The following RPTOR variants were observed in gnomAD, a reference collection of about 807,000 sequenced individuals.
The protein encoded by RPTOR is regulatory-associated protein of mTOR.
In RPTOR, 21 loss-of-function variants were observed where a neutral mutation model predicts 169.9. The observed-to-expected ratio is 0.12, with a 90% CI of 0.09 to 0.18. The LOEUF is 0.18. Among genes scored for constraint, RPTOR ranks in the 10% least tolerant of loss-of-function variants. RPTOR has a pLI of 1.00. For missense variants in RPTOR, 1,133 were observed against 1,855.9 expected (o/e 0.61, Z 7.16); for synonymous variants, 732 against 753.2 (o/e 0.97, Z 0.46).
chr17:80,715,527 G>A (rs1457896135), intron 4 of RPTOR, among the ~76,000 whole-genome samples: 4 of 151,624 alleles, frequency 2.6e-5, no homozygotes, highest in Non-Finnish European at 4.4e-5. Context: ...ACCCTAGCAG[G>A]TGTTTGGTAA....
chr17:80,772,910 G>A (rs534428232), intron 6 of RPTOR, among the ~76,000 whole-genome samples: 1 of 152,254 alleles, frequency 6.6e-6, no homozygotes, highest in African/African-American at 2.4e-5. Flanking sequence ...GGCTGTACAG[G>A]GGCAGAGCCA....
At chr17:80,817,112 C>G (rs560691234) in intron 7 of RPTOR, among the ~76,000 whole-genome samples, 3 of 152,340 alleles carry the variant, frequency 2.0e-5, no homozygotes, top group South Asian at 2.1e-4. Flanking sequence ...CCGAGCCGCA[C>G]AGCGGGAGGC....
chr17:80,742,356 A>T (rs529860707), intron 5 of RPTOR, among the ~76,000 whole-genome samples: 1 of 152,082 alleles, frequency 6.6e-6, no homozygotes, highest in African/African-American at 2.4e-5. Context: ...GACGGTGGTC[A>T]TTCCAGAAGG....
At chr17:80,857,697 A>G (rs2067869271) in intron 12 of RPTOR, 93 bp from the exon 13 acceptor site, 1 of 771,918 alleles carries the variant, frequency 1.3e-6, no homozygotes, top group Admixed American at 1.9e-5. Context: ...TATGTGCTGA[A>G]GATAGCACCG....
At chr17:80,813,269 A>C (rs1315506348) in intron 7 of RPTOR, among the ~76,000 whole-genome samples, 1 of 152,260 alleles carries the variant, frequency 6.6e-6, no homozygotes, top group East Asian at 1.9e-4. Flanking sequence ...CTGGACGAGA[A>C]TATCACAGGA....
In RPTOR at chr17:80,833,758, G is replaced by C. The variant is rs182688787; in HGVS notation, c.1137-4164G>C. On this transcript the variant is annotated intron_variant, in intron 9 of 33. Transcript: ENST00000306801. ...TAATCCCAGCACTTTGGGAGGCCAC[G>C]GCAGGCAGATCACCTGAGGTCAGGA... Among the ~76,000 whole-genome samples the C allele has an allele frequency of 5.0e-3, 760 of 152,330 alleles. 4 individuals are homozygous for C. The highest frequency in any genetic ancestry group is 0.018 in the African/African-American group (732 of 41,574).
At chr17:80,793,035 G>C (rs1401667120) in intron 7 of RPTOR, among the ~76,000 whole-genome samples, 1 of 152,040 alleles carries the variant, frequency 6.6e-6, no homozygotes. Context: ...GGTCTTGAAC[G>C]CCTGGCCTCA....
intron 25 of RPTOR, 54 bp from the exon 26 acceptor site, chr17:80,945,613 A>G: frequency 3.6e-6 from 4 of 1,121,896 alleles, no homozygotes; most frequent in Non-Finnish European, 5.2e-6. Flanking sequence ...ATAAATAAAT[A>G]AGGGGGAAAA....
intron 1 of RPTOR, among the ~76,000 whole-genome samples, chr17:80,558,704 G>A (rs538388125): frequency 3.3e-5 from 5 of 152,086 alleles, no homozygotes; most frequent in East Asian, 1.9e-4. Flanking sequence ...ATTTTCTTAC[G>A]TAAGCACAGT....
At chr17:80,634,749 C>CCG in intron 2 of RPTOR, among the ~76,000 whole-genome samples, 1 of 57,902 alleles carries the variant, frequency 1.7e-5, no homozygotes, top group Non-Finnish European at 3.5e-5. Context: ...TGTGTGCATA[C>CCG]TGTGTGTGTG....
intron 28 of RPTOR, among the ~76,000 whole-genome samples, chr17:80,952,825 T>A (rs1460926864): frequency 6.7e-6 from 1 of 149,662 alleles, no homozygotes; most frequent in African/African-American, 2.5e-5. Context: ...CCCAGACCCA[T>A]GCATCTCTCC....
At chr17:80,890,275 A>G (rs1365771090) in intron 17 of RPTOR, among the ~76,000 whole-genome samples, 3 of 152,194 alleles carry the variant, frequency 2.0e-5, no homozygotes, top group African/African-American at 7.2e-5. Flanking sequence ...GTCAGAAGGA[A>G]AGGGAAAAAA....
Position 80,803,940 on chromosome 17 carries a change from C to T in RPTOR, c.890+12431C>T, listed in dbSNP as rs1232149038. ...GGGCAGCGTTCCAGACGGGGAGCCCCACAGCCTCTGAGCCAGGCACGAGCT... is the reference window on the plus strand; with the variant it reads ...GGGCAGCGTTCCAGACGGGGAGCCCTACAGCCTCTGAGCCAGGCACGAGCT... On this transcript the variant is annotated intron_variant, in intron 7 of 33. Transcript: ENST00000306801. The surrounding 1 kb of genome is among the most constrained non-coding windows in gnomAD (Gnocchi z 6.2). 6.6e-6 allele frequency among the ~76,000 whole-genome samples: 1 copy of T among 152,164 alleles called. No homozygotes were observed. The highest frequency in any genetic ancestry group is 1.5e-5 in the Non-Finnish European group (1 of 68,028).
At chr17:80,918,415 G>A (rs367605528) in intron 21 of RPTOR, among the ~76,000 whole-genome samples, 3 of 127,098 alleles carry the variant, frequency 2.4e-5, no homozygotes, top group African/African-American at 6.0e-5. Context: ...GCACCCTCGC[G>A]GGGGTCATAG....
intron 1 of RPTOR, among the ~76,000 whole-genome samples, chr17:80,547,677 T>G (rs1021589475): frequency 1.3e-5 from 2 of 152,208 alleles, no homozygotes; most frequent in Non-Finnish European, 2.9e-5. Context: ...TCAGGTCCTT[T>G]GGAATCTTGT....
At chr17:80,810,698 A>G (rs1371979015) in intron 7 of RPTOR, among the ~76,000 whole-genome samples, 1 of 152,244 alleles carries the variant, frequency 6.6e-6, no homozygotes, top group Non-Finnish European at 1.5e-5. Flanking sequence ...CTGGAATTAC[A>G]TTAAATCTAG....
chr17:80,830,700 C>G (rs1295274765), intron 9 of RPTOR, among the ~76,000 whole-genome samples: 5 of 151,978 alleles, frequency 3.3e-5, no homozygotes, highest in African/African-American at 1.2e-4. Flanking sequence ...CGCAGGTGCA[C>G]TGCTCCTCAG....
chr17:80,634,581 G>T, intron 2 of RPTOR, among the ~76,000 whole-genome samples: 1 of 125,682 alleles, frequency 8.0e-6, no homozygotes, highest in Admixed American at 8.1e-5. Flanking sequence ...CTGTGTGTGT[G>T]TGCGTACTGT....
At chr17:80,641,866 A>G (rs1223700198) in intron 2 of RPTOR, among the ~76,000 whole-genome samples, 2 of 152,166 alleles carry the variant, frequency 1.3e-5, no homozygotes, top group Admixed American at 6.5e-5. Flanking sequence ...AAATAAGACA[A>G]TAACAAAATT....
Sources: gnomAD v4.1 joint callset for allele counts (sites outside exome capture counted in the v4.1 genomes callset) on GRCh38, gnomAD v4.1.1 for gene constraint, Gnocchi (gnomAD v3.1) non-coding constraint, MANE v1.5 for transcripts, NCBI Gene and HGNC (gene_info 2026-07-23, HGNC 2026-07-21) for gene names.